Variants in VPS13A observed in about 807,000 individuals in gnomAD.
VPS13A encodes the protein intermembrane lipid transfer protein VPS13A.
Under a neutral mutation model 390.9 loss-of-function variants are expected in VPS13A, and 264 were observed. The ratio of observed to expected loss-of-function variants is 0.68; its 90% CI spans 0.61 to 0.75. The LOEUF (loss-of-function observed/expected upper bound fraction) is 0.75. Among genes scored for constraint, VPS13A ranks in the 30% least tolerant of loss-of-function variants. VPS13A has a pLI of 0.00. For missense variants in VPS13A, 3,409 were observed against 3,733.9 expected (o/e 0.91, Z 2.27); for synonymous variants, 1,231 against 1,227.1 (o/e 1.00, Z -0.07).
intron 44 of VPS13A, among the ~76,000 whole-genome samples, chr9:77,322,029 G>A (rs1048249704): frequency 4.0e-5 from 6 of 151,664 alleles, no homozygotes; most frequent in Admixed American, 1.3e-4. Context: ...ATTAGATCTC[G>A]CCCTCATTCT....
intron 19 of VPS13A, among the ~76,000 whole-genome samples, chr9:77,242,876 A>G (rs182745811): frequency 1.1e-4 from 16 of 152,170 alleles, no homozygotes; most frequent in African/African-American, 3.8e-4. Flanking sequence ...TACCTTCTGT[A>G]CATAATAACC....
intron 19 of VPS13A, among the ~76,000 whole-genome samples, chr9:77,242,404 G>GTGT (rs1824552855): frequency 6.6e-6 from 1 of 152,052 alleles, no homozygotes; most frequent in Admixed American, 6.6e-5. Context: ...TCACAGAAAA[G>GTGT]TGTGTGTTAT....
chr9:77,375,713 CAAAAT>C (rs1226368699), intron 67 of VPS13A, among the ~76,000 whole-genome samples: 4 of 152,142 alleles, frequency 2.6e-5, no homozygotes, highest in African/African-American at 7.2e-5. Context: ...ATCAGGAAGA[CAAAAT>C]AAAAGTAAGT....
chr9:77,180,476 A>G (rs920222042), intron 1 of VPS13A, among the ~76,000 whole-genome samples: 5 of 152,218 alleles, frequency 3.3e-5, no homozygotes, highest in African/African-American at 9.6e-5. Flanking sequence ...CATTTCTTTT[A>G]TGAATCATGG....
At chr9:77,220,213 T>C in intron 11 of VPS13A, 64 bp from the exon 12 acceptor site, 1 of 1,531,246 alleles carries the variant, frequency 6.5e-7, no homozygotes. Flanking sequence ...AATGTAACTT[T>C]TATCTTCAGC....
chr9:77,355,939 C>T (rs1392887959), intron 54 of VPS13A, among the ~76,000 whole-genome samples: 1 of 152,176 alleles, frequency 6.6e-6, no homozygotes, highest in African/African-American at 2.4e-5. Flanking sequence ...CTAATCTTGA[C>T]TCCACTCTTT....
intron 52 of VPS13A, chr9:77,351,113 G>A (rs972197697): frequency 9.5e-6 from 5 of 528,306 alleles, no homozygotes; most frequent in Middle Eastern, 6.1e-4. Flanking sequence ...AGTAGAACAT[G>A]TATTTTCTAA....
At chr9:77,329,162 G>A (rs138252270) in intron 45 of VPS13A, among the ~76,000 whole-genome samples, 1,558 of 152,236 alleles carry the variant, frequency 0.01, 26 homozygotes, top group Non-Finnish European at 0.01. Context: ...ATGAGATTTG[G>A]GTGGGGGACC....
Position 77,416,015 on chromosome 9 carries a change from A to T in VPS13A, c.*9A>T. The T allele has an allele frequency of 1.2e-6, 2 of 1,613,370 alleles. No individual in the cohort carries two copies. Among genetic ancestry groups the T allele is most frequent in the Non-Finnish European group, 1.7e-6 (2 of 1,179,396 alleles). On this transcript the variant is annotated 3_prime_UTR_variant, in exon 72 of 72. Coordinates refer to ENST00000360280, the MANE Select transcript of VPS13A (RefSeq NM_033305.3). ...CTTCTCCGAGCCTCTGACAGAGAAC[A>T]CTGCCTGAAGACACACAGCAATAAG...
At chr9:77,276,420 T>C (rs1826673791) in intron 26 of VPS13A, among the ~76,000 whole-genome samples, 199 bp downstream of exon 26, 2 of 152,244 alleles carry the variant, frequency 1.3e-5, no homozygotes, top group African/African-American at 2.4e-5. Flanking sequence ...GATAATTTTA[T>C]TCATTATGGA....
intron 2 of VPS13A, among the ~76,000 whole-genome samples, chr9:77,200,544 A>C (rs1431593403): frequency 6.6e-6 from 1 of 152,046 alleles, no homozygotes; most frequent in Non-Finnish European, 1.5e-5. Flanking sequence ...TTTATTTCAA[A>C]TTTTTAACTT....
At chr9:77,333,679 G>T (rs1830398968) in intron 46 of VPS13A, among the ~76,000 whole-genome samples, 1 of 151,962 alleles carries the variant, frequency 6.6e-6, no homozygotes, top group African/African-American at 2.4e-5. Flanking sequence ...TTCAGTATAG[G>T]TGCACTTATA....
At chr9:77,214,241 C>G in intron 9 of VPS13A, 88 bp from the exon 10 acceptor site, 1 of 1,118,688 alleles carries the variant, frequency 8.9e-7, no homozygotes, top group South Asian at 1.2e-5. Flanking sequence ...GCACCACTGC[C>G]CTCCAGCCTG....
chr9:77,268,393 TATGGGAGGGAG>T (rs1826155213), intron 23 of VPS13A, among the ~76,000 whole-genome samples: 1 of 152,120 alleles, frequency 6.6e-6, no homozygotes, highest in South Asian at 2.1e-4. Flanking sequence ...TTCCTTTGGC[TATGGGAGGGAG>T]TTCCCTGATC....
chr9:77,190,962 CTCTT>C (rs1824643789), intron 1 of VPS13A, among the ~76,000 whole-genome samples: 1 of 151,880 alleles, frequency 6.6e-6, no homozygotes, highest in African/African-American at 2.4e-5. Flanking sequence ...TCTCCTCTCT[CTCTT>C]TTTTTTTCTT....
chr9:77,370,641 C>T (rs1832699582), intron 65 of VPS13A, 63 bp downstream of exon 65: 2 of 1,601,004 alleles, frequency 1.2e-6, no homozygotes, highest in Admixed American at 1.7e-5. Flanking sequence ...CCTACATTTG[C>T]GAATAAGGAA....
intron 68 of VPS13A, among the ~76,000 whole-genome samples, chr9:77,393,096 T>G (rs1009523440): frequency 1.3e-5 from 2 of 152,232 alleles, no homozygotes; most frequent in Non-Finnish European, 2.9e-5. Context: ...TATCAGTTAT[T>G]TTTATGGAAT....
intron 28 of VPS13A, 94 bp downstream of exon 28, chr9:77,282,020 A>G: frequency 7.2e-7 from 1 of 1,379,514 alleles, no homozygotes; most frequent in East Asian, 2.4e-5. Flanking sequence ...ATAAGAAAAT[A>G]TTATAAATTA....
chr9:77,283,964 C>CTTTTTTTTT (rs779066797), intron 31 of VPS13A, among the ~76,000 whole-genome samples: 1 of 129,626 alleles, frequency 7.7e-6, no homozygotes, highest in African/African-American at 2.9e-5. Flanking sequence ...ACCTTTTTCA[C>CTTTTTTTTT]TTTTTTTTTT....
Sources: gnomAD v4.1 joint callset for allele counts (sites outside exome capture counted in the v4.1 genomes callset) on GRCh38, gnomAD v4.1.1 for gene constraint, MANE v1.5 for transcripts, NCBI Gene and HGNC (gene_info 2026-07-23, HGNC 2026-07-21) for gene names.